MYO5C: variants seen among roughly 807,000 people sequenced by gnomAD.
MYO5C encodes the protein unconventional myosin-Vc.
MYO5C carries 194 observed loss-of-function variants against 235.7 expected under a neutral mutation model. The ratio of observed to expected loss-of-function variants is 0.82; its 90% CI spans 0.73 to 0.93. MYO5C has a LOEUF of 0.93. Ranked by LOEUF, MYO5C falls within the 40% of genes least tolerant of loss-of-function variation. The pLI is 0.00. For synonymous variants in MYO5C, 707 were observed against 754.8 expected (o/e 0.94, Z 1.04); for missense variants, 2,038 against 2,127.2 (o/e 0.96, Z 0.82).
At position 52,229,332 on chromosome 15, in the gene MYO5C, AAAT is replaced by A. The variant is rs3838857; in HGVS notation, c.3027-22_3027-20del. 0.07 allele frequency: 113,413 copies of A among 1,611,388 alleles called. 10,388 individuals carry two copies. The highest frequency in any genetic ancestry group is 0.47 in the East Asian group (21,121 of 44,786). On this transcript the variant is annotated intron_variant, in intron 24 of 40. Transcript: ENST00000261839. ...AAGAAGCCTACGCAGCAAAAGAAGA[AAAT>A]AATTTAGAGCTGAGCATGGTGGCTG...
intron 39 of MYO5C, among the ~76,000 whole-genome samples, chr15:52,195,962 C>CTTTTTTTTTTTTTTTTT (rs71130140): frequency 3.7e-5 from 3 of 80,992 alleles, no homozygotes; most frequent in African/African-American, 6.5e-5. Context: ...TCACACCCAG[C>CTTTTTTTTTTTTTTTTT]TTTTTTTTTT....
intron 1 of MYO5C, among the ~76,000 whole-genome samples, chr15:52,294,405 C>CTGT (rs2037455454): frequency 6.6e-6 from 1 of 152,216 alleles, no homozygotes; most frequent in African/African-American, 2.4e-5. Context: ...ATTTAGAACT[C>CTGT]CAGTTAATGG....
intron 31 of MYO5C, 44 bp from the exon 32 acceptor site, chr15:52,218,731 A>G: frequency 6.3e-7 from 1 of 1,597,000 alleles, no homozygotes; most frequent in Non-Finnish European, 8.6e-7. Context: ...TATGACGGTC[A>G]TGGAGAAGTC....
intron 18 of MYO5C, among the ~76,000 whole-genome samples, chr15:52,244,834 G>A (rs932953027): frequency 6.6e-6 from 1 of 152,210 alleles, no homozygotes; most frequent in Admixed American, 6.5e-5. Flanking sequence ...TCTCAGTTGG[G>A]CTGCCAGAGA....
In MYO5C at chr15:52,223,571, T is replaced by C; in HGVS notation, c.3600A>G (p.Glu1200=). 1 of 1,614,176 alleles carries C rather than the reference T, an allele frequency of 6.2e-7. No individual in the cohort carries two copies. Residue 1200 remains glutamate (E), a synonymous_variant, in exon 29 of 41, where the codon GAA becomes GAG. Coordinates refer to ENST00000261839, the MANE Select transcript of MYO5C (RefSeq NM_018728.4). The part of the protein sequence containing the change: ...ENDINESIRH[E]VTRLTSENMM... ...TGTTCTCTGATGTTAGCCTGGTAACTTCATGACGGATGCTTTCATTGATGT... is the reference window on the plus strand; with the variant it reads ...TGTTCTCTGATGTTAGCCTGGTAACCTCATGACGGATGCTTTCATTGATGT...
chr15:52,279,759 C>T, intron 2 of MYO5C, 85 bp from the exon 3 acceptor site: 1 of 1,312,728 alleles, frequency 7.6e-7, no homozygotes, highest in South Asian at 1.4e-5. Flanking sequence ...TCCTATCCAC[C>T]CCTCCATCAG....
chr15:52,279,148 G>A lies in MYO5C; in HGVS notation c.305-131C>T, dbSNP rs886089231. On this transcript the variant is annotated intron_variant, in intron 3 of 40. Transcript: ENST00000261839. Reference sequence around the variant, plus strand: ...TGTGACTTTGGGCAAGTCACTTCACGCACTGAATTAATTCCCTGCCAGTCA... The same window carrying A: ...TGTGACTTTGGGCAAGTCACTTCACACACTGAATTAATTCCCTGCCAGTCA... 1.4e-4 allele frequency: 132 copies of A among 938,962 alleles called. No homozygotes were observed. The Admixed American group carries it at 2.4e-3, about 17-fold the overall frequency. The allele number at this position is 938,962 out of a possible 1,614,324, so 58.2% of individuals were successfully genotyped here.
At chr15:52,210,425 T>C (rs74015631) in intron 35 of MYO5C, among the ~76,000 whole-genome samples, 3,305 of 152,356 alleles carry the variant, frequency 0.022, 121 homozygotes, top group African/African-American at 0.077. Flanking sequence ...GTTATTTTAG[T>C]GTTATTTATG....
chr15:52,280,249 G>A (rs866738879), intron 2 of MYO5C, among the ~76,000 whole-genome samples: 1 of 152,216 alleles, frequency 6.6e-6, no homozygotes, highest in Non-Finnish European at 1.5e-5. Context: ...CCTGGTGCAG[G>A]TGTCTCCTGT....
chr15:52,236,427 A>C (rs1380197037), intron 22 of MYO5C, among the ~76,000 whole-genome samples: 1 of 152,206 alleles, frequency 6.6e-6, no homozygotes, highest in African/African-American at 2.4e-5. Context: ...TAATCCCTGC[A>C]TTTTGGGAGG....
intron 4 of MYO5C, chr15:52,277,803 GC>G (rs1237073105): frequency 2.2e-6 from 1 of 454,052 alleles, no homozygotes; most frequent in Admixed American, 2.4e-5. Context: ...GCCCCAGACT[GC>G]CCATCAGACA....
Position 52,225,518 on chromosome 15 carries a change from G to A in MYO5C, c.3222C>T (p.Phe1074=), listed in dbSNP as rs773376914. 1.2e-5 allele frequency: 19 copies of A among 1,611,488 alleles called. No homozygotes were observed. The South Asian group carries it at 1.3e-4, about 11-fold the overall frequency. The change falls in exon 26 of 41, where the codon TTC becomes TTT. Residue 1074 remains phenylalanine, a synonymous_variant. Transcript: ENST00000261839. ...LSKQVKTISE[F]EKEIELLQAQ... The stretch of plus-strand genomic sequence containing the variant: ...CCTGAAGTAGTTCTATCTCTTTTTC[G>A]AACTCAGAGATTGTCTGAATCACAG...
At chr15:52,253,868 C>T (rs1050026527) in intron 11 of MYO5C, among the ~76,000 whole-genome samples, 10 of 152,174 alleles carry the variant, frequency 6.6e-5, no homozygotes, top group Non-Finnish European at 1.5e-4. Context: ...GAGAAGCCCA[C>T]TGCTTAGAGA....
At chr15:52,260,557 C>T (rs2036671690) in intron 10 of MYO5C, among the ~76,000 whole-genome samples, 1 of 152,106 alleles carries the variant, frequency 6.6e-6, no homozygotes, top group Admixed American at 6.5e-5. Flanking sequence ...AGCTCTACAA[C>T]GGGGATAGTT....
At chr15:52,289,785 T>G (rs1214759253) in intron 1 of MYO5C, among the ~76,000 whole-genome samples, 1 of 152,238 alleles carries the variant, frequency 6.6e-6, no homozygotes, top group African/African-American at 2.4e-5. Context: ...ACATGGGTTT[T>G]GAGGAAGAGC....
At position 52,295,793 on chromosome 15, in the gene MYO5C, C is replaced by T. The variant is rs2037492154; in HGVS notation, c.-157G>A. 2.1e-6 allele frequency: 1 copy of T among 478,746 alleles called. No individual in the cohort carries two copies. Among genetic ancestry groups the T allele is most frequent in the African/African-American group, 2.0e-5 (1 of 49,344 alleles). The allele number at this position is 478,746 out of a possible 1,614,324, so 29.7% of individuals were successfully genotyped here. On this transcript the variant is annotated 5_prime_UTR_variant, in exon 1 of 41. Transcript: ENST00000261839. ...TCCAACGGCCTCCTGTTCCCGTTCC[C>T]GAGTTGGCGGCGAGGGGAGGGGGCA...
At position 52,295,763 on chromosome 15, in the gene MYO5C, A is replaced by T. The variant is rs2037490863; in HGVS notation, c.-127T>A. On this transcript the variant is annotated 5_prime_UTR_variant, in exon 1 of 41. Transcript: ENST00000261839. ...ATCACCGCCGGGCCATCTTGCCCAAAGTTTTCCAACGGCCTCCTGTTCCCG... is the reference window on the plus strand; with the variant it reads ...ATCACCGCCGGGCCATCTTGCCCAATGTTTTCCAACGGCCTCCTGTTCCCG... 1 of 614,394 alleles carries T rather than the reference A, an allele frequency of 1.6e-6. No homozygotes were observed. The highest frequency in any genetic ancestry group is 2.5e-6 in the Non-Finnish European group (1 of 404,416). The allele number at this position is 614,394 out of a possible 1,614,324, so 38.1% of individuals were successfully genotyped here. A position where few individuals can be genotyped will look rare whatever the true frequency, so the allele number is the denominator to read the frequency against.
At chr15:52,292,290 A>G (rs1002848928) in intron 1 of MYO5C, among the ~76,000 whole-genome samples, 1 of 152,212 alleles carries the variant, frequency 6.6e-6, no homozygotes, top group Non-Finnish European at 1.5e-5. Flanking sequence ...AAGTGGATGA[A>G]CTTCTCACAA....
chr15:52,205,208 C>T lies in MYO5C; in HGVS notation c.4538-61G>A, dbSNP rs985083973. The T allele has an allele frequency of 1.9e-6, 3 of 1,562,862 alleles. No homozygotes were observed. The South Asian group carries it at 3.5e-5, about 18-fold the overall frequency. On this transcript the variant is annotated intron_variant, in intron 37 of 40. Coordinates refer to ENST00000261839, the MANE Select transcript of MYO5C (RefSeq NM_018728.4). ...GGAGACACACGCGGAACGTTCCCGA[C>T]GCTCTTCGGTTTGTTTCAGGAGATG...
Sources: gnomAD v4.1 joint callset for allele counts (sites outside exome capture counted in the v4.1 genomes callset) on GRCh38, gnomAD v4.1.1 for gene constraint, MANE v1.5 for transcripts, NCBI Gene and HGNC (gene_info 2026-07-23, HGNC 2026-07-21) for gene names.